SLC37A1: variants seen among roughly 807,000 people sequenced by gnomAD.
The protein encoded by SLC37A1 is solute carrier family 37 member 1.
Under a neutral mutation model 75.3 loss-of-function variants are expected in SLC37A1, and 49 were observed. The ratio of observed to expected loss-of-function variants is 0.65; its 90% CI spans 0.52 to 0.83. The LOEUF (loss-of-function observed/expected upper bound fraction) is 0.83. Ranked by LOEUF, SLC37A1 falls within the 40% of genes least tolerant of loss-of-function variation. SLC37A1 has a pLI of 0.00. For synonymous variants in SLC37A1, 268 were observed against 292.1 expected, an observed-to-expected ratio of 0.92 and a Z score of 0.84; for missense variants, 566 against 695.0, an observed-to-expected ratio of 0.81 and a Z score of 2.09.
At chr21:42,515,129 G>A (rs1457419529) in intron 1 of SLC37A1, among the ~76,000 whole-genome samples, 1 of 152,176 alleles carries the variant, frequency 6.6e-6, no homozygotes, top group Admixed American at 6.5e-5. Flanking sequence ...GGGAGGTGGT[G>A]CAAATGGAAT....
intron 3 of SLC37A1, among the ~76,000 whole-genome samples, chr21:42,526,783 C>T (rs939318960): frequency 1.8e-4 from 28 of 152,194 alleles, no homozygotes; most frequent in South Asian, 8.3e-4. Flanking sequence ...CAAGAAACTT[C>T]CATGCCTCTC....
At chr21:42,550,258 C>T (rs1025213727) in intron 9 of SLC37A1, among the ~76,000 whole-genome samples, 3 of 152,146 alleles carry the variant, frequency 2.0e-5, no homozygotes, top group African/African-American at 7.2e-5. Flanking sequence ...CTCAAATTAC[C>T]AAAATCAGGA....
At chr21:42,542,383 C>T (rs200529863) in intron 6 of SLC37A1, 21 bp from the exon 7 acceptor site, 2 of 1,611,612 alleles carry the variant, frequency 1.2e-6, no homozygotes, top group African/African-American at 1.3e-5. Flanking sequence ...AGGTCAGTCT[C>T]TCCTTTGGCC....
At chr21:42,546,688 C>T (rs544364337) in intron 8 of SLC37A1, among the ~76,000 whole-genome samples, 9 of 152,326 alleles carry the variant, frequency 5.9e-5, no homozygotes, top group East Asian at 1.9e-4. Flanking sequence ...GGGGCGTGTG[C>T]GGGAGTCACT....
At chr21:42,574,999 T>G in intron 18 of SLC37A1, 84 bp downstream of exon 18, 2 of 1,580,068 alleles carry the variant, frequency 1.3e-6, no homozygotes, top group Non-Finnish European at 1.7e-6. Context: ...CTTTCTCCCA[T>G]GCATTCCTGA....
chr21:42,519,964 T>TG (rs1555879905), intron 2 of SLC37A1, among the ~76,000 whole-genome samples: 12,429 of 148,518 alleles, frequency 0.084, 617 homozygotes, highest in Non-Finnish European at 0.11. Flanking sequence ...CACAGTGTGT[T>TG]TGTGTGTGTG....
At chr21:42,538,966 C>G (rs962483210) in intron 5 of SLC37A1, among the ~76,000 whole-genome samples, 13 of 152,208 alleles carry the variant, frequency 8.5e-5, no homozygotes, top group Non-Finnish European at 1.8e-4. Context: ...GCCTTTAAAT[C>G]AGGTCAAAGT....
rs1452546781 is a variant in SLC37A1, at chr21:42,514,106, G to A, written c.-790G>A. 3 of 150,936 alleles carry A rather than the reference G, an allele frequency of 2.0e-5. No individual in the cohort carries two copies. Among genetic ancestry groups the A allele is most frequent in the African/African-American group, 7.3e-5 (3 of 41,168 alleles). 9.3% of individuals were successfully genotyped at this position (150,936 alleles called of 1,614,324 possible). On this transcript the variant is annotated 5_prime_UTR_variant, in exon 1 of 20. Coordinates refer to ENST00000352133, the MANE Select transcript of SLC37A1 (RefSeq NM_001320537.2). This position sits in a 1 kb window ranked among gnomAD's most constrained non-coding sequence, Gnocchi z 4.8. ...CCTCTCCTTCCTTTTCTTTTTTTTC[G>A]GGGGGAGGTGGGGGCTGGTTTGGAT...
At chr21:42,518,841 CTT>C (rs1446669506) in intron 2 of SLC37A1, among the ~76,000 whole-genome samples, 1 of 152,206 alleles carries the variant, frequency 6.6e-6, no homozygotes. Context: ...AAGCACATAA[CTT>C]ATATATAAGT....
intron 4 of SLC37A1, 75 bp from the exon 5 acceptor site, chr21:42,535,397 G>A (rs749190887): frequency 1.6e-6 from 2 of 1,285,150 alleles, no homozygotes; most frequent in Non-Finnish European, 2.2e-6. Context: ...CAGATGCTTT[G>A]TGTTTTATAG....
At chr21:42,517,110 A>C (rs181910923) in intron 1 of SLC37A1, among the ~76,000 whole-genome samples, 15 of 152,346 alleles carry the variant, frequency 9.8e-5, no homozygotes, top group Admixed American at 7.2e-4. Flanking sequence ...TTTTGAATTT[A>C]CAATGAGGAT....
chr21:42,575,601 A>C (rs2056290837), intron 18 of SLC37A1: 4 of 985,288 alleles, frequency 4.1e-6, no homozygotes, highest in South Asian at 4.7e-5. Context: ...AGGGGTGCAT[A>C]CACATCTTTA....
intron 2 of SLC37A1, among the ~76,000 whole-genome samples, chr21:42,521,498 T>C (rs1382725011): frequency 6.6e-6 from 1 of 152,252 alleles, no homozygotes; most frequent in African/African-American, 2.4e-5. Context: ...TATTTGCATG[T>C]GATTGAGGTA....
rs182778011 is a variant in SLC37A1, at chr21:42,505,283, C to T, written c.-179+2866C>T. ...GCCTTATGTTCACACACCACACTCT[C>T]TGCTGTGGCCATAATGACTTTCAGT... is the stretch of plus-strand genomic sequence containing the variant. On this transcript the variant is annotated intron_variant, in intron 2 of 20. Coordinates refer to the SLC37A1 transcript ENST00000398341. Among the ~76,000 whole-genome samples, 6 of 152,352 alleles carry T rather than the reference C, an allele frequency of 3.9e-5. No individual in the cohort carries two copies. In the East Asian group the frequency reaches 1.2e-3, roughly 29 times the overall value.
At chr21:42,534,464 C>T (rs769879957) in intron 3 of SLC37A1, among the ~76,000 whole-genome samples, 6 of 152,166 alleles carry the variant, frequency 3.9e-5, no homozygotes, top group Non-Finnish European at 8.8e-5. Flanking sequence ...ATGTTCGTCA[C>T]GTGCTCAGGA....
chr21:42,541,859 A>C (rs1301045484), intron 6 of SLC37A1, among the ~76,000 whole-genome samples: 1 of 152,218 alleles, frequency 6.6e-6, no homozygotes, highest in African/African-American at 2.4e-5. Flanking sequence ...CTCCCATCTC[A>C]GCTTCTTGAG....
At chr21:42,573,156 G>T (rs371849386) in intron 17 of SLC37A1, among the ~76,000 whole-genome samples, 21 of 151,922 alleles carry the variant, frequency 1.4e-4, no homozygotes, top group African/African-American at 5.1e-4. Flanking sequence ...GGGTTAAGCT[G>T]CGCTGTCCTG....
chr21:42,511,438 C>A (rs2054431675), upstream of SLC37A1, among the ~76,000 whole-genome samples: 1 of 152,152 alleles, frequency 6.6e-6, no homozygotes, highest in African/African-American at 2.4e-5. Context: ...TCATTTGCAA[C>A]AACATGGATG....
At chr21:42,516,027 G>A (rs2054515511) in intron 1 of SLC37A1, among the ~76,000 whole-genome samples, 1 of 152,202 alleles carries the variant, frequency 6.6e-6, no homozygotes, top group Non-Finnish European at 1.5e-5. Context: ...CCAAAGTGCT[G>A]GGATTGCAGG....
Sources: allele counts gnomAD v4.1 joint callset (sites outside exome capture counted in the v4.1 genomes callset), GRCh38; gene constraint gnomAD v4.1.1; non-coding constraint Gnocchi (gnomAD v3.1); transcripts MANE v1.5; gene names NCBI Gene and HGNC (gene_info 2026-07-23, HGNC 2026-07-21).